SERINC4: variants seen among roughly 807,000 people sequenced by gnomAD.
SERINC4 encodes the protein serine incorporator 4.
SERINC4 carries 52 observed loss-of-function variants against 52.0 expected under a neutral mutation model. That is an observed-to-expected ratio of 1.00 (90% CI 0.80 to 1.26). The LOEUF (loss-of-function observed/expected upper bound fraction) is 1.26. Ranked by LOEUF, SERINC4 falls within the 50% of genes most tolerant of loss-of-function variation. The pLI, the probability that SERINC4 is intolerant of heterozygous loss-of-function variation, is 0.00. For synonymous variants in SERINC4, 264 were observed against 247.7 expected, an observed-to-expected ratio of 1.07 and a Z score of -0.62; for missense variants, 723 against 632.8, an observed-to-expected ratio of 1.14 and a Z score of -1.53.
chr15:43,796,992 T>G (rs925484034), intron 6 of SERINC4, 52 bp from the exon 7 acceptor site: 2 of 1,527,736 alleles, frequency 1.3e-6, no homozygotes, highest in Non-Finnish European at 9.1e-7. Context: ...TTTCCTCCAT[T>G]TCTACCCCCA....
chr15:43,799,053 C>A lies in SERINC4; in HGVS notation c.364G>T (p.Val122Leu). The A allele has an allele frequency of 6.4e-7, 1 of 1,550,554 alleles. No homozygotes were observed. The highest frequency in any genetic ancestry group is 8.7e-7 in the Non-Finnish European group (1 of 1,147,004). ...VLSGSGAVYR[V>L]CAGTATFHLL... Reference sequence around the variant, plus strand: ...TGGAAGGTGGCGGTTCCTGCACATACTCGGTACACAGCCCCAGAGCCACTG... The same window carrying A: ...TGGAAGGTGGCGGTTCCTGCACATAATCGGTACACAGCCCCAGAGCCACTG... The change falls in exon 3 of 12, where the codon GTA becomes TTA. Residue 122 changes from valine (V) to leucine (L), a missense_variant. By Grantham distance (32) the Val-to-Leu change is conservative. Coordinates refer to ENST00000319327, the MANE Select transcript of SERINC4 (RefSeq NM_001258031.2).
Position 43,795,418 on chromosome 15 carries a change from T to TA in SERINC4, c.1312dup (p.Tyr438LeufsTer13). 6.2e-7 allele frequency: 1 copy of TA among 1,614,068 alleles called. No homozygotes were observed. The highest frequency in any genetic ancestry group is 8.5e-7 in the Non-Finnish European group (1 of 1,180,000). On this transcript the variant is annotated frameshift_variant, in exon 11 of 12. Coordinates refer to ENST00000319327, the MANE Select transcript of SERINC4 (RefSeq NM_001258031.2). LOFTEE classifies it high-confidence loss of function. ...CCAGTTGGTAAGGGTAACCATGACATAGAGTGAGGCAAGGAAGAAGACGAA... is the reference window on the plus strand; with the variant it reads ...CCAGTTGGTAAGGGTAACCATGACATAAGAGTGAGGCAAGGAAGAAGACGAA...
Position 43,794,618 on chromosome 15 carries a change from ACTC to A in SERINC4, c.*379_*381del, listed in dbSNP as rs1210482109. 2 of 193,674 alleles carry A rather than the reference ACTC, an allele frequency of 1.0e-5. No homozygotes were observed. The highest frequency in any genetic ancestry group is 2.2e-5 in the Non-Finnish European group (2 of 92,772). 12.0% of individuals were successfully genotyped at this position (193,674 alleles called of 1,614,324 possible). ...CTTATATCCGTGTGCCCAGGGCTGA[ACTC>A]CTTATTTTCCTTTCTCCAAGGGCAG... On this transcript the variant is annotated 3_prime_UTR_variant, in exon 12 of 12. Transcript: ENST00000319327.
At chr15:43,798,635 C>A in intron 3 of SERINC4, 131 bp from the exon 4 acceptor site, 1 of 708,272 alleles carries the variant, frequency 1.4e-6, no homozygotes. Context: ...TAAGGAGGAA[C>A]CAATCCCAAA....
intron 5 of SERINC4, 39 bp from the exon 6 acceptor site, chr15:43,797,395 A>AT (rs748800928): frequency 0.066 from 80,865 of 1,217,794 alleles, 24 homozygotes; most frequent in Non-Finnish European, 0.072. Context: ...GAGCTCCAGC[A>AT]TTTTTTTTTT....
chr15:43,797,810 A>G, intron 5 of SERINC4, 110 bp downstream of exon 5: 1 of 735,372 alleles, frequency 1.4e-6, no homozygotes, highest in Non-Finnish European at 2.4e-6. Flanking sequence ...GATACTGCTC[A>G]GTGGGAAGCT....
chr15:43,795,364 T>TAG (rs1381243363), intron 11 of SERINC4, 24 bp downstream of exon 11: 2 of 1,612,570 alleles, frequency 1.2e-6, no homozygotes, highest in African/African-American at 2.7e-5. Context: ...TTCAGGAGAG[T>TAG]ATCTAAGGCC....
Position 43,799,498 on chromosome 15 carries a change from G to A in SERINC4, c.103-12C>T, listed in dbSNP as rs1438600761. ...CCACAGCAGCACACCTGGGAGTAGA[G>A]CAGATGCAAGGCAGCGAGGTGGAGA... is the stretch of plus-strand genomic sequence containing the variant. On this transcript the variant is annotated splice_polypyrimidine_tract_variant and intron_variant, in intron 1 of 11. Transcript: ENST00000319327. 3 of 1,550,870 alleles carry A rather than the reference G, an allele frequency of 1.9e-6. No individual in the cohort carries two copies. The East Asian group carries it at 7.3e-5, about 38-fold the overall frequency.
At chr15:43,795,641 C>T in intron 10 of SERINC4, 47 bp downstream of exon 10, 3 of 1,611,198 alleles carry the variant, frequency 1.9e-6, no homozygotes, top group Non-Finnish European at 2.5e-6. Context: ...TCTTATGGCA[C>T]TCCACAGAGA....
At chr15:43,798,046 A>G in intron 4 of SERINC4, 33 bp from the exon 5 acceptor site, 2 of 1,517,518 alleles carry the variant, frequency 1.3e-6, no homozygotes, top group African/African-American at 2.8e-5. Flanking sequence ...AAAATGTCAA[A>G]TTGTTACTTT....
Position 43,794,931 on chromosome 15 carries a change from G to T in SERINC4, c.*69C>A. The T allele has an allele frequency of 8.0e-7, 1 of 1,245,754 alleles. No individual in the cohort carries two copies. The highest frequency in any genetic ancestry group is 1.1e-6 in the Non-Finnish European group (1 of 879,406). 77.2% of individuals were successfully genotyped at this position (1,245,754 alleles called of 1,614,324 possible). A position where few individuals can be genotyped will look rare whatever the true frequency, so the allele number is the denominator to read the frequency against. ...GTGTGTCCTTGAGGTATTGAGCTGG[G>T]CTGGACAGCTCCCCTTGAGCCAACT... is the stretch of plus-strand genomic sequence containing the variant. On this transcript the variant is annotated 3_prime_UTR_variant, in exon 12 of 12. Transcript: ENST00000319327.
In SERINC4 at chr15:43,795,098, GT is replaced by G; in HGVS notation, c.1458del (p.Pro487HisfsTer15). On this transcript the variant is annotated frameshift_variant, in exon 12 of 12. Transcript: ENST00000319327. LOFTEE classifies it low-confidence loss of function (END_TRUNC). The stretch of plus-strand genomic sequence containing the variant: ...TTCTGGGTGGGGGGCCAACAGAGTG[GT>G]GCCAGTAACAGCCCCAGATAGAGGA... ...CVLLYLGLLL[A>X]PLCWPPTQKP... 1 of 1,613,936 alleles carries G rather than the reference GT, an allele frequency of 6.2e-7. No individual in the cohort carries two copies. The highest frequency in any genetic ancestry group is 1.1e-5 in the South Asian group (1 of 91,058).
chr15:43,800,217 C>T lies in SERINC4; in HGVS notation c.-231G>A. ...CAACACTGCGGCCACTCAGGCTGTTCTCTCCAGATTAGGGGGCAGTTTGTC... is the reference window on the plus strand; with the variant it reads ...CAACACTGCGGCCACTCAGGCTGTTTTCTCCAGATTAGGGGGCAGTTTGTC... On this transcript the variant is annotated 5_prime_UTR_variant, in exon 1 of 12. Coordinates refer to ENST00000319327, the MANE Select transcript of SERINC4 (RefSeq NM_001258031.2). 5 of 589,066 alleles carry T rather than the reference C, an allele frequency of 8.5e-6. No individual in the cohort carries two copies. The South Asian group carries it at 1.0e-4, about 12-fold the overall frequency. 36.5% of individuals were successfully genotyped at this position (589,066 alleles called of 1,614,324 possible).
rs1157645746 is a variant in SERINC4, at chr15:43,794,539, T to C, written c.*461A>G. The C allele has an allele frequency of 6.2e-6, 1 of 162,198 alleles. No individual in the cohort carries two copies. Among genetic ancestry groups the C allele is most frequent in the African/African-American group, 2.4e-5 (1 of 41,672 alleles). 10.0% of individuals were successfully genotyped at this position (162,198 alleles called of 1,614,324 possible). On this transcript the variant is annotated 3_prime_UTR_variant, in exon 12 of 12. Transcript: ENST00000319327. ...TCAAAATCAGGATTAAAACCTGGGG[T>C]AGCCTCTGTGCTCCTTTCTTCTATG...
chr15:43,795,134 C>G lies in SERINC4; in HGVS notation c.1423G>C (p.Ala475Pro). 6.2e-7 allele frequency: 1 copy of G among 1,614,038 alleles called. No individual in the cohort carries two copies. The highest frequency in any genetic ancestry group is 8.5e-7 in the Non-Finnish European group (1 of 1,180,006). The change falls in exon 12 of 12, where the codon GCC (alanine) becomes CCC (proline). Residue 475 changes from alanine to proline, a missense_variant. Physicochemically the swap from Ala to Pro is conservative, Grantham distance 27. Transcript: ENST00000319327. ...TFWVKVASCW[A>P]CVLLYLGLLL... ...AGCCCCAGATAGAGGAGTACGCAGGCCCAGCATGAGGCAACCTTGACCCAG... is the reference window on the plus strand; with the variant it reads ...AGCCCCAGATAGAGGAGTACGCAGGGCCAGCATGAGGCAACCTTGACCCAG...
At chr15:43,799,541 T>A in intron 1 of SERINC4, 55 bp from the exon 2 acceptor site, 1 of 1,544,008 alleles carries the variant, frequency 6.5e-7, no homozygotes, top group Admixed American at 2.0e-5. Context: ...AGGAAAGGCA[T>A]ACGTTAATGT....
chr15:43,795,817 TTGGTCTAGTATTAAAAAG>T, intron 9 of SERINC4, 81 bp from the exon 10 acceptor site: 1 of 1,469,848 alleles, frequency 6.8e-7, no homozygotes, highest in Non-Finnish European at 9.3e-7. Flanking sequence ...CGTGAAAAGA[TTGGTCTAGTATTAAAAAG>T]TGGAGGCACA....
At chr15:43,798,670 C>T in intron 3 of SERINC4, 166 bp from the exon 4 acceptor site, 1 of 635,162 alleles carries the variant, frequency 1.6e-6, no homozygotes, top group Non-Finnish European at 2.8e-6. Context: ...GACAGGCCTA[C>T]TGCACCTTAT....
chr15:43,798,308 C>G, intron 4 of SERINC4, 117 bp downstream of exon 4: 2 of 833,402 alleles, frequency 2.4e-6, no homozygotes. Flanking sequence ...CTCAGCCTCC[C>G]AAAGTGCTGG....
Sources: allele counts gnomAD v4.1 joint callset, GRCh38; gene constraint gnomAD v4.1.1; transcripts MANE v1.5; gene names NCBI Gene and HGNC (gene_info 2026-07-23, HGNC 2026-07-21).